The following TNFAIP8 variants were observed in gnomAD, a reference collection of about 807,000 sequenced individuals.
The protein encoded by TNFAIP8 is tumor necrosis factor alpha-induced protein 8.
Under a neutral mutation model 13.3 loss-of-function variants are expected in TNFAIP8, and 7 were observed. That is an observed-to-expected ratio of 0.52 (90% CI 0.30 to 0.99). The LOEUF (loss-of-function observed/expected upper bound fraction) is 0.99. Among genes scored for constraint, TNFAIP8 ranks in the 50% least tolerant of loss-of-function variants. The pLI is 0.07. For missense variants in TNFAIP8, 258 were observed against 236.9 expected, an observed-to-expected ratio of 1.09 and a Z score of -0.58; for synonymous variants, 94 against 87.6, an observed-to-expected ratio of 1.07 and a Z score of -0.41.
At chr5:119,344,988 A>ATATT (rs531749540) in intron 1 of TNFAIP8, among the ~76,000 whole-genome samples, 4 of 152,290 alleles carry the variant, frequency 2.6e-5, no homozygotes, top group African/African-American at 9.6e-5. Context: ...AGCCTTCCAA[A>ATATT]TGTTCTTGGC....
At chr5:119,368,375 T>TA (rs765256111) in intron 1 of TNFAIP8, among the ~76,000 whole-genome samples, 17,047 of 143,748 alleles carry the variant, frequency 0.12, 1,489 homozygotes, top group African/African-American at 0.26. Flanking sequence ...TCCTGTCTGT[T>TA]AAAAAAAAAA....
upstream of TNFAIP8, chr5:119,355,868 G>C: frequency 8.8e-7 from 1 of 1,136,306 alleles, no homozygotes; most frequent in Non-Finnish European, 1.1e-6. Flanking sequence ...TCCGGGGGCG[G>C]ACTCCCGCCG....
intron 1 of TNFAIP8, among the ~76,000 whole-genome samples, chr5:119,298,202 C>T (rs13180210): frequency 1.3e-5 from 2 of 150,838 alleles, no homozygotes; most frequent in South Asian, 2.1e-4. Context: ...TTCCTAGCCT[C>T]GATGGTCTTT....
At chr5:119,326,342 T>C (rs1021113200) in intron 1 of TNFAIP8, among the ~76,000 whole-genome samples, 1 of 152,136 alleles carries the variant, frequency 6.6e-6, no homozygotes. Flanking sequence ...CTGGCTACAG[T>C]GTCATGAAAG....
chr5:119,357,319 C>T (rs1259508311), intron 1 of TNFAIP8, among the ~76,000 whole-genome samples: 2 of 152,140 alleles, frequency 1.3e-5, no homozygotes, highest in Admixed American at 6.5e-5. Flanking sequence ...GGGAGTAATG[C>T]TTTCTTGCCG....
intron 1 of TNFAIP8, among the ~76,000 whole-genome samples, chr5:119,320,805 C>T (rs1182847116): frequency 6.6e-6 from 1 of 152,000 alleles, no homozygotes; most frequent in Admixed American, 6.5e-5. Flanking sequence ...CTCCAAGGGC[C>T]TCTACAGATG....
At chr5:119,341,001 AG>A (rs1750717424) in intron 1 of TNFAIP8, among the ~76,000 whole-genome samples, 1 of 151,712 alleles carries the variant, frequency 6.6e-6, no homozygotes, top group African/African-American at 2.4e-5. Context: ...GACTCCTGGC[AG>A]GTACTTCTGT....
At chr5:119,341,628 T>C (rs10060971) in intron 1 of TNFAIP8, among the ~76,000 whole-genome samples, 24,094 of 152,170 alleles carry the variant, frequency 0.16, 3,371 homozygotes, top group African/African-American at 0.38. Flanking sequence ...TGGCTAACTC[T>C]GGGATAAGAG....
In TNFAIP8 at chr5:119,363,586, T is replaced by C. The variant is rs952074614; in HGVS notation, c.31+7465T>C. Among the ~76,000 whole-genome samples, 11 of 152,336 alleles carry C rather than the reference T, an allele frequency of 7.2e-5. No homozygotes were observed. In the East Asian group the frequency reaches 1.3e-3, roughly 19 times the overall value. On this transcript the variant is annotated intron_variant, in intron 1 of 1. Transcript: ENST00000504771. ...GGTACATGAGGGTAACAAGTGAATA[T>C]GGGCAGGAAATTTAATTCATCTTAA...
chr5:119,278,376 A>T lies in TNFAIP8; in HGVS notation c.1+9469A>T, dbSNP rs865785289. ...GGGAGAGAGAGAGAGAGAGAGAGAGAGTGTGTGTGTGTGTGTGTGTGTGTG... is the reference window on the plus strand; with the variant it reads ...GGGAGAGAGAGAGAGAGAGAGAGAGTGTGTGTGTGTGTGTGTGTGTGTGTG... On this transcript the variant is annotated intron_variant, in intron 1 of 1. Transcript: ENST00000274456. 5.1e-3 allele frequency among the ~76,000 whole-genome samples: 554 copies of T among 108,204 alleles called. 6 individuals carry two copies. Among genetic ancestry groups the T allele is most frequent in the African/African-American group, 0.02 (520 of 26,468 alleles). 71.0% of individuals were successfully genotyped at this position (108,204 alleles called of 152,430 possible).
At chr5:119,286,850 T>C (rs1748814133) in intron 1 of TNFAIP8, among the ~76,000 whole-genome samples, 1 of 152,158 alleles carries the variant, frequency 6.6e-6, no homozygotes, top group African/African-American at 2.4e-5. Flanking sequence ...CAGGATTAAA[T>C]AGAACAACAA....
chr5:119,357,352 G>A (rs1751469271), intron 1 of TNFAIP8, among the ~76,000 whole-genome samples: 2 of 152,182 alleles, frequency 1.3e-5, no homozygotes, highest in Non-Finnish European at 2.9e-5. Context: ...TGATGGAGCT[G>A]TGTGCTGATA....
chr5:119,385,950 C>G (rs1752651441), intron 1 of TNFAIP8, among the ~76,000 whole-genome samples: 2 of 152,288 alleles, frequency 1.3e-5, no homozygotes, highest in South Asian at 4.1e-4. Flanking sequence ...GATCATTGTA[C>G]TTATCTTACA....
rs931832364 is a variant in TNFAIP8, at chr5:119,395,987, T to C, written c.*2606T>C. 4 of 152,210 alleles carry C rather than the reference T, an allele frequency of 2.6e-5. No homozygotes were observed. Among genetic ancestry groups the C allele is most frequent in the Non-Finnish European group, 5.9e-5 (4 of 68,026 alleles). The allele number at this position is 152,210 out of a possible 1,614,324, so 9.4% of individuals were successfully genotyped here. ...GTGGATGATAATACTAATGGACAAC[T>C]AACGCAGAGTAGTTTGTATTATGTG... is the stretch of plus-strand genomic sequence containing the variant. On this transcript the variant is annotated 3_prime_UTR_variant, in exon 2 of 2. Coordinates refer to ENST00000504771, the MANE Select transcript of TNFAIP8 (RefSeq NM_014350.4).
intron 1 of TNFAIP8, among the ~76,000 whole-genome samples, chr5:119,357,414 G>C (rs1562016997): frequency 1.3e-5 from 2 of 152,276 alleles, no homozygotes; most frequent in South Asian, 2.1e-4. Flanking sequence ...AAAGTCAAAG[G>C]TAGTTGAAGG....
intron 1 of TNFAIP8, among the ~76,000 whole-genome samples, chr5:119,385,186 TAGA>T (rs1752623814): frequency 1.3e-5 from 2 of 152,226 alleles, no homozygotes; most frequent in African/African-American, 4.8e-5. Flanking sequence ...ACCTCCAGTG[TAGA>T]AGATGAGAAA....
chr5:119,371,519 A>G (rs1752070693), intron 1 of TNFAIP8, among the ~76,000 whole-genome samples: 1 of 152,248 alleles, frequency 6.6e-6, no homozygotes, highest in Admixed American at 6.5e-5. Flanking sequence ...CATAAATTAA[A>G]CAATTAACAG....
intron 1 of TNFAIP8, among the ~76,000 whole-genome samples, chr5:119,336,532 C>T (rs1024439660): frequency 2.0e-5 from 3 of 149,756 alleles, no homozygotes; most frequent in African/African-American, 7.5e-5. Flanking sequence ...TCTTATACTT[C>T]TTATTTCAGA....
In TNFAIP8 at chr5:119,301,281, A is replaced by G. The variant is rs147040513; in HGVS notation, c.1+32374A>G. 4.4e-3 allele frequency among the ~76,000 whole-genome samples: 676 copies of G among 152,184 alleles called. 5 individuals are homozygous for G. The highest frequency in any genetic ancestry group is 0.013 in the Admixed American group (203 of 15,296). The stretch of plus-strand genomic sequence containing the variant: ...TCTATTGTTCCCCATTGGGCACTCT[A>G]TGCTTATGCCATCTAGAATATTCCA... On this transcript the variant is annotated intron_variant, in intron 1 of 1. Coordinates refer to the TNFAIP8 transcript ENST00000274456.
Sources: gnomAD v4.1 joint callset for allele counts (sites outside exome capture counted in the v4.1 genomes callset) on GRCh38, gnomAD v4.1.1 for gene constraint, MANE v1.5 for transcripts, NCBI Gene and HGNC (gene_info 2026-07-23, HGNC 2026-07-21) for gene names.